Variants in DNAH9 observed in about 807,000 individuals in gnomAD.
DNAH9 encodes dynein axonemal heavy chain 9.
In DNAH9, 345 loss-of-function variants were observed where a neutral mutation model predicts 471.6. The observed-to-expected ratio is 0.73, with a 90% CI of 0.67 to 0.80. The LOEUF (loss-of-function observed/expected upper bound fraction) is 0.80, where lower values mean the gene tolerates loss of function less well. Ranked by LOEUF, DNAH9 falls within the 30% of genes least tolerant of loss-of-function variation. DNAH9 has a pLI of 0.00. For missense variants in DNAH9, 5,407 were observed against 5,609.2 expected, an observed-to-expected ratio of 0.96 and a Z score of 1.15; for synonymous variants, 2,093 against 2,123.6, an observed-to-expected ratio of 0.99 and a Z score of 0.40.
chr17:11,852,851 T>A (rs1016563579), intron 49 of DNAH9, among the ~76,000 whole-genome samples: 89 of 137,796 alleles, frequency 6.5e-4, no homozygotes, highest in Non-Finnish European at 1.1e-3. Flanking sequence ...TATATATATA[T>A]ATATATATAT....
At chr17:11,821,888 A>G in intron 45 of DNAH9, 32 bp from the exon 46 acceptor site, 3 of 1,594,964 alleles carry the variant, frequency 1.9e-6, no homozygotes, top group East Asian at 4.5e-5. Context: ...CGAGATGCCA[A>G]GGCTGCCTAT....
intron 7 of DNAH9, 106 bp downstream of exon 7, chr17:11,629,690 C>G: frequency 5.0e-6 from 5 of 1,005,696 alleles, no homozygotes; most frequent in Non-Finnish European, 7.2e-6. Flanking sequence ...TTTCCTTTGG[C>G]TCTGTGGTCC....
Position 11,930,073 on chromosome 17 carries a change from G to A in DNAH9, c.12085G>A (p.Ala4029Thr). 1 of 1,613,970 alleles carries A rather than the reference G, an allele frequency of 6.2e-7. No individual in the cohort carries two copies. Among genetic ancestry groups the A allele is most frequent in the Middle Eastern group, 1.7e-4 (1 of 6,054 alleles). ...GGGCATGCATGCCAACCTGCACAAG[G>A]CCCTGGACAACTTCACTCAGGTACG... ...PTGMHANLHK[A>T]LDNFTQDTLE... Residue 4029 changes from alanine (A) to threonine (T), a missense_variant, in exon 63 of 69, where the codon GCC (alanine) becomes ACC (threonine). Physicochemically the swap from Ala to Thr is moderately conservative, Grantham distance 58. This residue lies in a region of DNAH9 where 4,636 missense variants were observed against 4,900.3 expected (regional missense o/e 0.95). Coordinates refer to ENST00000262442, the MANE Select transcript of DNAH9 (RefSeq NM_001372.4).
chr17:11,875,159 C>T lies in DNAH9; in HGVS notation c.10453C>T (p.Arg3485Trp), dbSNP rs370956573. 3.5e-5 allele frequency: 57 copies of T among 1,611,296 alleles called. No individual in the cohort carries two copies. Among genetic ancestry groups the T allele is most frequent in the Middle Eastern group, 1.6e-4 (1 of 6,072 alleles). ...CAAGAATAAATATGGTGAAGATCTCCGGGTCACGCAGATTGGTCAGAAAGG... is the reference window on the plus strand; with the variant it reads ...CAAGAATAAATATGGTGAAGATCTCTGGGTCACGCAGATTGGTCAGAAAGG... ...WIKNKYGEDL[R>W]VTQIGQKGYL... is the part of the protein sequence containing the mutation. The change falls in exon 53 of 69, where the codon CGG becomes TGG. Residue 3485 changes from arginine to tryptophan, a missense_variant. Transcript: ENST00000262442.
intron 59 of DNAH9, among the ~76,000 whole-genome samples, chr17:11,900,437 C>T (rs893353871): frequency 3.3e-5 from 5 of 149,752 alleles, no homozygotes; most frequent in East Asian, 2.0e-4. Flanking sequence ...AGCAATCACG[C>T]TGCTTCCTGT....
intron 67 of DNAH9, among the ~76,000 whole-genome samples, chr17:11,958,693 T>TA (rs1037231585): frequency 1.3e-5 from 2 of 151,364 alleles, no homozygotes; most frequent in African/African-American, 4.9e-5. Context: ...GTAATCTCTG[T>TA]ACTTGCTGCT....
intron 6 of DNAH9, among the ~76,000 whole-genome samples, chr17:11,622,038 A>T (rs111418600): frequency 1.3e-5 from 2 of 151,428 alleles, no homozygotes; most frequent in Non-Finnish European, 2.9e-5. Flanking sequence ...GTGAGCTGAG[A>T]TCGCGCCACT....
At chr17:11,782,052 C>G (rs75264191) in intron 39 of DNAH9, among the ~76,000 whole-genome samples, 20,353 of 151,030 alleles carry the variant, frequency 0.13, 1,448 homozygotes, top group Non-Finnish European at 0.15. Context: ...CTACCGCATA[C>G]TGAATCTGCT....
chr17:11,705,091 C>T lies in DNAH9; in HGVS notation c.5458C>T (p.His1820Tyr), dbSNP rs2074676400. Residue 1820 changes from histidine to tyrosine, a missense_variant, in exon 26 of 69, where the codon CAC becomes TAC. Physicochemically the swap from His to Tyr is moderately conservative, Grantham distance 83. Around this residue, in one of 3 missense-constraint regions of DNAH9, gnomAD observed 4,636 missense variants for 4,900.3 expected, o/e 0.95. Transcript: ENST00000262442. ...CCATCGTTGGGATGACGAGGTCAAA[C>T]ACTGCTTTGCCAACATCTGTGATGC... ...LRHRWDDEVK[H>Y]CFANICDAQF... 2 of 1,614,140 alleles carry T rather than the reference C, an allele frequency of 1.2e-6. No homozygotes were observed. Among genetic ancestry groups the T allele is most frequent in the Non-Finnish European group, 1.7e-6 (2 of 1,179,956 alleles).
chr17:11,689,535 T>C (rs373507357), intron 19 of DNAH9, 31 bp from the exon 20 acceptor site: 4 of 1,575,450 alleles, frequency 2.5e-6, no homozygotes, highest in Non-Finnish European at 3.4e-6. Context: ...CTGCGTGCCA[T>C]ACTTACAAAG....
intron 24 of DNAH9, among the ~76,000 whole-genome samples, chr17:11,702,802 A>G (rs2074624112): frequency 6.6e-6 from 1 of 152,138 alleles, no homozygotes; most frequent in Non-Finnish European, 1.5e-5. Flanking sequence ...GGTAGAAAGT[A>G]TTCACAGTGG....
chr17:11,875,099 A>G lies in DNAH9; in HGVS notation c.10393A>G (p.Met3465Val). 1 of 1,614,186 alleles carries G rather than the reference A, an allele frequency of 6.2e-7. No homozygotes were observed. Among genetic ancestry groups the G allele is most frequent in the Non-Finnish European group, 8.5e-7 (1 of 1,180,028 alleles). Residue 3465 changes from methionine to valine, a missense_variant, in exon 53 of 69, where the codon ATG (methionine) becomes GTG (valine). Met to Val is a conservative substitution (Grantham distance 21, BLOSUM62 1). This residue lies in a region of DNAH9 where 4,636 missense variants were observed against 4,900.3 expected (regional missense o/e 0.95). Transcript: ENST00000262442. ...CATCAACTGTGAGCGCTGGCCACTC[A>G]TGGTTGACCCTCAGCTACAAGGCAT... ...ILINCERWPL[M>V]VDPQLQGIKW...
intron 12 of DNAH9, among the ~76,000 whole-genome samples, chr17:11,647,873 G>A (rs2073424860): frequency 6.6e-6 from 1 of 152,230 alleles, no homozygotes; most frequent in Non-Finnish European, 1.5e-5. Flanking sequence ...TGTCAAACTA[G>A]GCGGGAGTGC....
At chr17:11,854,610 G>A (rs759640832) in intron 50 of DNAH9, among the ~76,000 whole-genome samples, 182 bp downstream of exon 50, 1 of 152,182 alleles carries the variant, frequency 6.6e-6, no homozygotes, top group Non-Finnish European at 1.5e-5. Flanking sequence ...ACACTGTATA[G>A]GCCAAACAAG....
chr17:11,919,017 G>T (rs1011353786), intron 61 of DNAH9, among the ~76,000 whole-genome samples: 2 of 151,988 alleles, frequency 1.3e-5, no homozygotes, highest in Non-Finnish European at 2.9e-5. Context: ...TTTTTAAAAA[G>T]ATACAAAAAG....
At chr17:11,739,407 TTAAC>T (rs2075399657) in intron 29 of DNAH9, among the ~76,000 whole-genome samples, 1 of 152,228 alleles carries the variant, frequency 6.6e-6, no homozygotes, top group African/African-American at 2.4e-5. Flanking sequence ...TACAATGTAA[TTAAC>T]TACTCCCCCA....
chr17:11,619,409 A>G, intron 5 of DNAH9, 139 bp from the exon 6 acceptor site: 1 of 651,538 alleles, frequency 1.5e-6, no homozygotes, highest in Non-Finnish European at 2.8e-6. Flanking sequence ...CCACATGTGG[A>G]ATGGAAAGCG....
intron 11 of DNAH9, 151 bp from the exon 12 acceptor site, chr17:11,646,921 A>G: frequency 1.6e-6 from 1 of 637,898 alleles, no homozygotes; most frequent in Non-Finnish European, 2.6e-6. Flanking sequence ...CTCAAAAAGA[A>G]AGAAAGAAAT....
At chr17:11,718,371 G>A (rs2075001869) in intron 26 of DNAH9, among the ~76,000 whole-genome samples, 1 of 152,224 alleles carries the variant, frequency 6.6e-6, no homozygotes. Flanking sequence ...TTGCTGTTAT[G>A]AATACTGTTG....
Sources: gnomAD v4.1 joint callset for allele counts (sites outside exome capture counted in the v4.1 genomes callset) on GRCh38, gnomAD v4.1.1 for gene constraint, gnomAD v4.1.1 regional missense constraint, MANE v1.5 for transcripts, NCBI Gene and HGNC (gene_info 2026-07-23, HGNC 2026-07-21) for gene names.